The following MACROD2 variants were observed in gnomAD, a reference collection of about 807,000 sequenced individuals.
MACROD2 encodes the protein mono-ADP ribosylhydrolase 2.
Under a neutral mutation model 70.4 loss-of-function variants are expected in MACROD2, and 36 were observed. The ratio of observed to expected loss-of-function variants is 0.51; its 90% CI spans 0.39 to 0.68. The LOEUF (loss-of-function observed/expected upper bound fraction) is 0.68. Ranked by LOEUF, MACROD2 falls within the 30% of genes least tolerant of loss-of-function variation. The pLI, the probability that MACROD2 is intolerant of heterozygous loss-of-function variation, is 0.00. For synonymous variants in MACROD2, 172 were observed against 178.8 expected (o/e 0.96, Z 0.30); for missense variants, 496 against 538.4 (o/e 0.92, Z 0.78).
chr20:15,090,022 GT>G (rs1477365555), intron 5 of MACROD2, among the ~76,000 whole-genome samples: 5 of 152,112 alleles, frequency 3.3e-5, no homozygotes, highest in African/African-American at 1.2e-4. Flanking sequence ...CAGAGGAGTA[GT>G]TTAGATCAGT....
chr20:16,018,583 G>A lies in MACROD2; in HGVS notation c.1154-22618G>A, dbSNP rs145646936. 5.3e-4 allele frequency among the ~76,000 whole-genome samples: 81 copies of A among 152,134 alleles called. 1 individual carries two copies. Among genetic ancestry groups the A allele is most frequent in the Admixed American group, 3.7e-3 (56 of 15,286 alleles). ...TTCCCCACCAAAATTATCTTTAACC[G>A]GATATATGTCCCCTCCTCATCCTCT... On this transcript the variant is annotated intron_variant, in intron 15 of 17. Coordinates refer to ENST00000684519, the MANE Select transcript of MACROD2 (RefSeq NM_001351661.2).
intron 6 of MACROD2, among the ~76,000 whole-genome samples, chr20:15,257,458 A>G (rs1422795680): frequency 6.6e-6 from 1 of 152,072 alleles, no homozygotes; most frequent in African/African-American, 2.4e-5. Flanking sequence ...AAAGGTTTGG[A>G]TTGTAAAAAT....
chr20:14,350,422 G>A (rs539815369), intron 3 of MACROD2, among the ~76,000 whole-genome samples: 28 of 152,022 alleles, frequency 1.8e-4, no homozygotes, highest in Admixed American at 3.3e-4. Flanking sequence ...TAAAAGACAG[G>A]CAATAACAAA....
Position 15,034,850 on chromosome 20 carries a change from C to T in MACROD2, c.419-195090C>T, listed in dbSNP as rs1318726796. Reference sequence around the variant, plus strand: ...AAAACAATGCTCTGTCGTCAATCTACTTTAATTCATTGTTGGACATTTAAC... The same window carrying T: ...AAAACAATGCTCTGTCGTCAATCTATTTTAATTCATTGTTGGACATTTAAC... On this transcript the variant is annotated intron_variant, in intron 5 of 17. Transcript: ENST00000684519. Among the ~76,000 whole-genome samples the T allele has an allele frequency of 5.3e-5, 8 of 152,148 alleles. 1 individual carries two copies. The highest frequency in any genetic ancestry group is 2.9e-5 in the Non-Finnish European group (2 of 68,034).
chr20:15,480,950 C>A lies in MACROD2; in HGVS notation c.572-18824C>A, dbSNP rs201472825. Among the ~76,000 whole-genome samples, 64 of 118,096 alleles carry A rather than the reference C, an allele frequency of 5.4e-4. 1 individual carries two copies. The East Asian group carries it at 0.021, about 38-fold the overall frequency. The allele number at this position is 118,096 out of a possible 152,430, so 77.5% of individuals were successfully genotyped here. A position where few individuals can be genotyped will look rare whatever the true frequency, so the allele number is the denominator to read the frequency against. On this transcript the variant is annotated intron_variant, in intron 7 of 17. Coordinates refer to ENST00000684519, the MANE Select transcript of MACROD2 (RefSeq NM_001351661.2). ...GTATCTTGCCTGTATTTTAACCATG[C>A]CTGTGTCTTCGTAAGTGGTCCCTTT...
chr20:14,520,094 G>GA lies in MACROD2; in HGVS notation c.301+26592dup, dbSNP rs377260867. Among the ~76,000 whole-genome samples, 967 of 152,260 alleles carry GA rather than the reference G, an allele frequency of 6.4e-3. 12 individuals carry two copies. Among genetic ancestry groups the GA allele is most frequent in the African/African-American group, 0.022 (898 of 41,564 alleles). On this transcript the variant is annotated intron_variant, in intron 4 of 17. Coordinates refer to ENST00000684519, the MANE Select transcript of MACROD2 (RefSeq NM_001351661.2). ...GGAGGGAGGGAGAAGGAGTGAATCA[G>GA]AAAAAATATCTGTCAGGTACTATGC...
chr20:14,230,631 T>TATATATATATATATATATATATATATA (rs1569217269), intron 3 of MACROD2, among the ~76,000 whole-genome samples: 3 of 94,260 alleles, frequency 3.2e-5, no homozygotes, highest in African/African-American at 1.7e-4. Flanking sequence ...TCATTCATGT[T>TATATATATATATATATATATATATATA]TATATATATA....
At position 15,774,807 on chromosome 20, in the gene MACROD2, G is replaced by GA. The variant is rs111739123; in HGVS notation, c.646-87928dup. Among the ~76,000 whole-genome samples the GA allele has an allele frequency of 9.7e-4, 145 of 149,244 alleles. No homozygotes were observed. The East Asian group carries it at 0.015, about 15-fold the overall frequency. On this transcript the variant is annotated intron_variant, in intron 8 of 17. Coordinates refer to ENST00000684519, the MANE Select transcript of MACROD2 (RefSeq NM_001351661.2). ...TTCCCCTCTGTTCCCCTTCTACAGA[G>GA]AAAAAAAAAATGTGTTAATGACTTT...
At chr20:14,307,615 G>T (rs1467264177) in intron 3 of MACROD2, among the ~76,000 whole-genome samples, 2 of 152,030 alleles carry the variant, frequency 1.3e-5, no homozygotes, top group Non-Finnish European at 2.9e-5. Context: ...AGAAAACTAA[G>T]ATTTTCCAAC....
chr20:15,101,234 C>G (rs1376686571), intron 5 of MACROD2, among the ~76,000 whole-genome samples: 1 of 151,880 alleles, frequency 6.6e-6, no homozygotes, highest in Non-Finnish European at 1.5e-5. Flanking sequence ...TATTTTTGTA[C>G]CTGATGTAGT....
chr20:15,330,234 A>C (rs1600249780), intron 6 of MACROD2, among the ~76,000 whole-genome samples: 1 of 152,174 alleles, frequency 6.6e-6, no homozygotes, highest in East Asian at 1.9e-4. Context: ...TCCACCATGA[A>C]CCGAGCAATG....
chr20:15,846,911 TTATATATATATATA>T (rs33993940), intron 8 of MACROD2, among the ~76,000 whole-genome samples: 41 of 138,182 alleles, frequency 3.0e-4, no homozygotes, highest in South Asian at 8.6e-4. Flanking sequence ...AAAAAAAAAA[TTATATATATATATA>T]TATATATATA....
intron 8 of MACROD2, among the ~76,000 whole-genome samples, chr20:15,548,685 C>T (rs2048056747): frequency 6.6e-6 from 1 of 152,156 alleles, no homozygotes; most frequent in Non-Finnish European, 1.5e-5. Context: ...TGAGCCACTG[C>T]ACCCGGCCAG....
At chr20:15,227,354 C>G (rs1203449772) in intron 5 of MACROD2, among the ~76,000 whole-genome samples, 2 of 150,934 alleles carry the variant, frequency 1.3e-5, no homozygotes, top group African/African-American at 2.4e-5. Flanking sequence ...TCTCCCTTAT[C>G]CCTCCCTCCC....
At chr20:14,746,527 CTG>C (rs2071801866) in intron 5 of MACROD2, among the ~76,000 whole-genome samples, 2 of 152,062 alleles carry the variant, frequency 1.3e-5, no homozygotes, top group Non-Finnish European at 2.9e-5. Context: ...GTGTCTGTGT[CTG>C]TGTGTATAGC....
At position 15,953,219 on chromosome 20, in the gene MACROD2, A is replaced by G. The variant is rs572598083; in HGVS notation, c.908-14334A>G. ...ACTAGAGGCTGGAAAGGGGAGGGGG[A>G]AGTGGCAGGGATAGAAAGAGATGTG... On this transcript the variant is annotated intron_variant, in intron 12 of 17. Transcript: ENST00000684519. Among the ~76,000 whole-genome samples the G allele has an allele frequency of 4.6e-5, 7 of 152,208 alleles. No individual in the cohort carries two copies. The South Asian group carries it at 1.5e-3, about 32-fold the overall frequency.
intron 8 of MACROD2, among the ~76,000 whole-genome samples, chr20:15,771,891 T>A (rs55677435): frequency 7.0e-6 from 1 of 142,258 alleles, no homozygotes; most frequent in African/African-American, 2.5e-5. Flanking sequence ...AAGACCATCC[T>A]TGGCTAACAC....
intron 5 of MACROD2, among the ~76,000 whole-genome samples, chr20:15,223,017 T>A (rs1426571886): frequency 6.6e-6 from 1 of 152,208 alleles, no homozygotes; most frequent in Non-Finnish European, 1.5e-5. Flanking sequence ...CTTTTCTCTA[T>A]AATTCAGACT....
At position 15,517,978 on chromosome 20, in the gene MACROD2, G is replaced by A. The variant is rs554822131; in HGVS notation, c.645+18131G>A. Among the ~76,000 whole-genome samples, 202 of 152,322 alleles carry A rather than the reference G, an allele frequency of 1.3e-3. 1 individual carries two copies. Among genetic ancestry groups the A allele is most frequent in the Non-Finnish European group, 2.4e-3 (162 of 68,020 alleles). On this transcript the variant is annotated intron_variant, in intron 8 of 17. Coordinates refer to ENST00000684519, the MANE Select transcript of MACROD2 (RefSeq NM_001351661.2). ...CAGACATGATTTGCATAACGTGCAG[G>A]CACAGACCATCAAAAGTCTGGAAAT...
Sources: allele counts gnomAD v4.1 joint callset (sites outside exome capture counted in the v4.1 genomes callset), GRCh38; gene constraint gnomAD v4.1.1; transcripts MANE v1.5; gene names NCBI Gene and HGNC (gene_info 2026-07-23, HGNC 2026-07-21).